Variants in DCPS observed in about 807,000 individuals in gnomAD.
The protein encoded by DCPS is decapping enzyme, scavenger.
In DCPS, 27 loss-of-function variants were observed where a neutral mutation model predicts 34.7. That is an observed-to-expected ratio of 0.78 (90% CI 0.57 to 1.07). The LOEUF (loss-of-function observed/expected upper bound fraction) is 1.07. DCPS is among the 50% of genes least tolerant of loss of function. The probability of loss-of-function intolerance (pLI) is 0.00; values close to 1 mark genes in which losing one functional copy is unlikely to be tolerated. For missense variants in DCPS, 464 were observed against 436.9 expected, an observed-to-expected ratio of 1.06 and a Z score of -0.55; for synonymous variants, 185 against 185.7, an observed-to-expected ratio of 1.00 and a Z score of 0.03.
rs1184374010 is a variant in DCPS, at chr11:126,337,284, T to C, written c.523-1002T>C. On this transcript the variant is annotated intron_variant, in intron 3 of 5. Transcript: ENST00000263579. The surrounding 1 kb of genome is among the most constrained non-coding windows in gnomAD (Gnocchi z 5.3). Reference sequence around the variant, plus strand: ...TCCTCAGCCACTCCCCTCTCTGGTTTCCTAGCAGGTCTCTCCCCCAGATGT... The same window carrying C: ...TCCTCAGCCACTCCCCTCTCTGGTTCCCTAGCAGGTCTCTCCCCCAGATGT... 2.0e-5 allele frequency: 3 copies of C among 152,256 alleles called. No homozygotes were observed. The highest frequency in any genetic ancestry group is 2.9e-5 in the Non-Finnish European group (2 of 68,108). 9.4% of individuals were successfully genotyped at this position (152,256 alleles called of 1,614,324 possible).
At chr11:126,343,829 A>C (rs1951896430) in intron 5 of DCPS, among the ~76,000 whole-genome samples, 1 of 152,206 alleles carries the variant, frequency 6.6e-6, no homozygotes. Context: ...TCTAGATTGA[A>C]GACAGGCTGA....
chr11:126,346,706 A>T lies in DCPS; in HGVS notation c.*1093A>T, dbSNP rs186922208. On this transcript the variant is annotated 3_prime_UTR_variant, in exon 6 of 6. Transcript: ENST00000263579. This position sits in a 1 kb window ranked among gnomAD's most constrained non-coding sequence, Gnocchi z 4.1. ...GCAGGATGGCAGGCTCCTAAGTGAC[A>T]GCAGGGGGGAAGCTTGAGGCACAGT... 5.9e-5 allele frequency among the ~76,000 whole-genome samples: 9 copies of T among 152,004 alleles called. No individual in the cohort carries two copies. The East Asian group carries it at 1.7e-3, about 29-fold the overall frequency.
Position 126,320,487 on chromosome 11 carries a change from T to TATGCCGCTGCA in DCPS, c.377-10918_377-10917insATGCCGCTGCA, listed in dbSNP as rs1951697620. On this transcript the variant is annotated intron_variant, in intron 2 of 5. Transcript: ENST00000263579. The surrounding 1 kb of genome is among the most constrained non-coding windows in gnomAD (Gnocchi z 4.7). ...TCTGACAATGATATTAAAGGAATAT[T>TATGCCGCTGCA]CTTAAAAAAAAATTAACCCATCAAG... Among the ~76,000 whole-genome samples the TATGCCGCTGCA allele has an allele frequency of 2.6e-5, 4 of 151,392 alleles. No homozygotes were observed. The highest frequency in any genetic ancestry group is 9.7e-5 in the African/African-American group (4 of 41,326).
Position 126,325,625 on chromosome 11 carries a change from A to AAAC in DCPS, c.377-5778_377-5777insCAA, listed in dbSNP as rs1185971079. Among the ~76,000 whole-genome samples the AAAC allele has an allele frequency of 2.6e-5, 4 of 152,246 alleles. No individual in the cohort carries two copies. Among genetic ancestry groups the AAAC allele is most frequent in the Non-Finnish European group, 4.4e-5 (3 of 68,040 alleles). On this transcript the variant is annotated intron_variant, in intron 2 of 5. Coordinates refer to ENST00000263579, the MANE Select transcript of DCPS (RefSeq NM_014026.6). The surrounding 1 kb of genome is among the most constrained non-coding windows in gnomAD (Gnocchi z 4.3). ...GAAATTGGGAGCAGGGAGGAGCAGA[A>AAAC]AAGTGTTTTTGAAAACAAGCTTCAT...
rs536783732 is a variant in DCPS at position 126,329,662 on chromosome 11, C to T, written c.377-1743C>T. On this transcript the variant is annotated intron_variant, in intron 2 of 5. Transcript: ENST00000263579. The surrounding 1 kb of genome is among the most constrained non-coding windows in gnomAD (Gnocchi z 5.0). ...AGCACTGGCTTTAGGGTGAGATGGC[C>T]TCAGTTCCAGGTTCGCCTCTGCCAC... 1.3e-5 allele frequency among the ~76,000 whole-genome samples: 2 copies of T among 152,292 alleles called. No individual in the cohort carries two copies. The highest frequency in any genetic ancestry group is 3.9e-4 in the East Asian group (2 of 5,178).
rs655913 is a variant in DCPS, at chr11:126,315,509, A to G, written c.376+8765A>G. Among the ~76,000 whole-genome samples, 87,869 of 151,728 alleles carry G rather than the reference A, an allele frequency of 0.58. 26,902 individuals are homozygous for G. The highest frequency in any genetic ancestry group is 0.87 in the East Asian group (4,492 of 5,154). On this transcript the variant is annotated intron_variant, in intron 2 of 5. Coordinates refer to ENST00000263579, the MANE Select transcript of DCPS (RefSeq NM_014026.6). This position sits in a 1 kb window ranked among gnomAD's most constrained non-coding sequence, Gnocchi z 6.1. Reference sequence around the variant, plus strand: ...CAGGAGGTCAAGGCTGCAGTGAACTATGATTATGCCGCTGCACTCCAACCT... The same window carrying G: ...CAGGAGGTCAAGGCTGCAGTGAACTGTGATTATGCCGCTGCACTCCAACCT...
In DCPS at chr11:126,325,892, G is replaced by A. The variant is rs1053237460; in HGVS notation, c.377-5513G>A. Among the ~76,000 whole-genome samples the A allele has an allele frequency of 1.6e-4, 24 of 152,266 alleles. No individual in the cohort carries two copies. Among genetic ancestry groups the A allele is most frequent in the Middle Eastern group, 3.4e-3 (1 of 294 alleles). Reference sequence around the variant, plus strand: ...CCCAGCACTTTGGGAGGCTGAGGTGGGCGGATTACGAGATCAGGAAATCGA... The same window carrying A: ...CCCAGCACTTTGGGAGGCTGAGGTGAGCGGATTACGAGATCAGGAAATCGA... On this transcript the variant is annotated intron_variant, in intron 2 of 5. Coordinates refer to ENST00000263579, the MANE Select transcript of DCPS (RefSeq NM_014026.6). The surrounding 1 kb of genome is among the most constrained non-coding windows in gnomAD (Gnocchi z 4.3).
rs1951720578 is a variant in DCPS, at chr11:126,323,348, A to G, written c.377-8057A>G. Among the ~76,000 whole-genome samples, 1 of 152,196 alleles carries G rather than the reference A, an allele frequency of 6.6e-6. No individual in the cohort carries two copies. ...AAAATACAATTATTGTTTTACCTTGAGCGGTAGAAAGTTCAGCTTTAGAAA... is the reference window on the plus strand; with the variant it reads ...AAAATACAATTATTGTTTTACCTTGGGCGGTAGAAAGTTCAGCTTTAGAAA... On this transcript the variant is annotated intron_variant, in intron 2 of 5. Transcript: ENST00000263579. This position sits in a 1 kb window ranked among gnomAD's most constrained non-coding sequence, Gnocchi z 4.4.
chr11:126,314,282 T>C (rs1951641376), intron 2 of DCPS, among the ~76,000 whole-genome samples: 1 of 152,268 alleles, frequency 6.6e-6, no homozygotes, highest in South Asian at 2.1e-4. Flanking sequence ...GATCTCACTC[T>C]TTCTTATGGC....
At position 126,345,363 on chromosome 11, in the gene DCPS, G is replaced by C. The variant is rs757018526; in HGVS notation, c.764G>C (p.Arg255Pro). The C allele has an allele frequency of 2.5e-6, 4 of 1,613,904 alleles. No individual in the cohort carries two copies. In the South Asian group the frequency reaches 3.3e-5, roughly 13 times the overall value. Residue 255 changes from arginine to proline, a missense_variant, in exon 6 of 6, where the codon CGC (arginine) becomes CCC (proline). Transcript: ENST00000263579. This position sits in a 1 kb window ranked among gnomAD's most constrained non-coding sequence, Gnocchi z 7.4. ...TCTCATCAGGAGGCCATCCTGCAGCGCTACCGGATGAAGGGAGACCATCTG... is the reference window on the plus strand; with the variant it reads ...TCTCATCAGGAGGCCATCCTGCAGCCCTACCGGATGAAGGGAGACCATCTG... ...LHQGQEAILQRYRMKGDHLRV... is the reference protein window; with the variant it reads ...LHQGQEAILQPYRMKGDHLRV...
intron 2 of DCPS, among the ~76,000 whole-genome samples, chr11:126,311,378 A>G (rs1226447618): frequency 6.6e-6 from 1 of 152,242 alleles, no homozygotes; most frequent in Non-Finnish European, 1.5e-5. Flanking sequence ...AGTGTCTGCT[A>G]TGTGCCAGCT....
Position 126,338,400 on chromosome 11 carries a change from G to A in DCPS, c.636+1G>A, listed in dbSNP as rs770528538. ...TGACCTCAAGTGGAACCAACAGCAG[G>A]TAAAGGTTTCTGGCTGGAATGTCCT... On this transcript the variant is annotated splice_donor_variant, in intron 4 of 5. Transcript: ENST00000263579. LOFTEE classifies it high-confidence loss of function. This position sits in a 1 kb window ranked among gnomAD's most constrained non-coding sequence, Gnocchi z 5.4. The A allele has an allele frequency of 3.7e-6, 6 of 1,613,976 alleles. No homozygotes were observed. Among genetic ancestry groups the A allele is most frequent in the Admixed American group, 1.7e-5 (1 of 60,012 alleles).
In DCPS at chr11:126,304,143, C is replaced by T. The variant is rs3740915; in HGVS notation, c.63C>T (p.His21=). 0.048 allele frequency: 77,712 copies of T among 1,614,040 alleles called. 3,059 individuals are homozygous for T. Among genetic ancestry groups the T allele is most frequent in the East Asian group, 0.17 (7,571 of 44,872 alleles). Residue 21 remains histidine, a synonymous_variant, in exon 1 of 6, where the codon CAC becomes CAT. Transcript: ENST00000263579. ...GCGAATTGGACGTGGAGGAGGCCCA[C>T]GCCGCCAGCACAGAGGAAAAGGAGG... ...RKRELDVEEA[H]AASTEEKEAG...
chr11:126,311,640 G>A lies in DCPS; in HGVS notation c.376+4896G>A, dbSNP rs147813812. Among the ~76,000 whole-genome samples, 655 of 152,342 alleles carry A rather than the reference G, an allele frequency of 4.3e-3. 2 individuals carry two copies. The highest frequency in any genetic ancestry group is 0.014 in the Middle Eastern group (4 of 294). On this transcript the variant is annotated intron_variant, in intron 2 of 5. Coordinates refer to ENST00000263579, the MANE Select transcript of DCPS (RefSeq NM_014026.6). ...AACACTCTGGGCTGAGGAATAGCAC[G>A]TGTTCTGGGGATGGAAAGAAGAACA...
At chr11:126,330,672 C>A in intron 2 of DCPS, among the ~76,000 whole-genome samples, 1 of 120,558 alleles carries the variant, frequency 8.3e-6, no homozygotes, top group Admixed American at 1.0e-4. Flanking sequence ...ATTAAGGGGA[C>A]TACTGGGCTT....
intron 2 of DCPS, among the ~76,000 whole-genome samples, chr11:126,317,491 T>C (rs1951671715): frequency 6.6e-6 from 1 of 152,184 alleles, no homozygotes; most frequent in Non-Finnish European, 1.5e-5. Context: ...ACCCTCAAAT[T>C]ATTTTATTTC....
rs2135330760 is a variant in DCPS, at chr11:126,335,530, G to C, written c.523-2756G>C. 6.6e-6 allele frequency among the ~76,000 whole-genome samples: 1 copy of C among 152,360 alleles called. No homozygotes were observed. The highest frequency in any genetic ancestry group is 6.5e-5 in the Admixed American group (1 of 15,308). Reference sequence around the variant, plus strand: ...TCCCAGAGGCCTCTCCCAGGAGACAGGATGTACCTTGGCCCAGGGTGCAGG... The same window carrying C: ...TCCCAGAGGCCTCTCCCAGGAGACACGATGTACCTTGGCCCAGGGTGCAGG... On this transcript the variant is annotated intron_variant, in intron 3 of 5. Coordinates refer to ENST00000263579, the MANE Select transcript of DCPS (RefSeq NM_014026.6). This position sits in a 1 kb window ranked among gnomAD's most constrained non-coding sequence, Gnocchi z 4.8.
At chr11:126,304,324 ACCAATCATCG>A in intron 1 of DCPS, 43 bp downstream of exon 1, 1 of 1,602,506 alleles carries the variant, frequency 6.2e-7, no homozygotes, top group South Asian at 1.1e-5. Context: ...GAAGCAGTGA[ACCAATCATCG>A]CCTCGGAGGC....
Position 126,338,838 on chromosome 11 carries a change from TCTC to T in DCPS, c.636+446_636+448del. On this transcript the variant is annotated intron_variant, in intron 4 of 5. Transcript: ENST00000263579. This position sits in a 1 kb window ranked among gnomAD's most constrained non-coding sequence, Gnocchi z 5.4. The stretch of plus-strand genomic sequence containing the variant: ...GAACCATGGTGACCAACCCAAGGCA[TCTC>T]CTCCTCAGCCCGAGCTGTGGAGTAG... Among the ~76,000 whole-genome samples, 1 of 152,232 alleles carries T rather than the reference TCTC, an allele frequency of 6.6e-6. No homozygotes were observed. The highest frequency in any genetic ancestry group is 2.1e-4 in the South Asian group (1 of 4,820).
Sources: allele counts gnomAD v4.1 joint callset (sites outside exome capture counted in the v4.1 genomes callset), GRCh38; gene constraint gnomAD v4.1.1; non-coding constraint Gnocchi (gnomAD v3.1); transcripts MANE v1.5; gene names NCBI Gene and HGNC (gene_info 2026-07-23, HGNC 2026-07-21).